PNPT1: variants seen among roughly 807,000 people sequenced by gnomAD.
The protein encoded by PNPT1 is polyribonucleotide nucleotidyltransferase 1.
A neutral mutation model predicts 119.5 loss-of-function variants in PNPT1; 53 were observed. That is an observed-to-expected ratio of 0.44 (90% CI 0.36 to 0.56). The LOEUF is 0.56. Among genes scored for constraint, PNPT1 ranks in the 20% least tolerant of loss-of-function variants. PNPT1 has a pLI of 0.00. For synonymous variants in PNPT1, 357 were observed against 322.1 expected, an observed-to-expected ratio of 1.11 and a Z score of -1.16; for missense variants, 948 against 938.5, an observed-to-expected ratio of 1.01 and a Z score of -0.13.
chr2:55,648,927 A>G (rs370200459), intron 18 of PNPT1, among the ~76,000 whole-genome samples: 37 of 152,314 alleles, frequency 2.4e-4, no homozygotes, highest in African/African-American at 8.4e-4. Flanking sequence ...TTAAGTTTTG[A>G]TCACTTGGAA....
chr2:55,657,054 C>T (rs955003878), intron 15 of PNPT1, among the ~76,000 whole-genome samples: 6 of 152,190 alleles, frequency 3.9e-5, no homozygotes, highest in East Asian at 1.9e-4. Flanking sequence ...TCAGGCCGGG[C>T]GCAGTGGCTC....
chr2:55,645,552 C>T, intron 21 of PNPT1, 120 bp from the exon 22 acceptor site: 1 of 607,746 alleles, frequency 1.6e-6, no homozygotes, highest in Non-Finnish European at 2.8e-6. Flanking sequence ...AAGCTTTCCA[C>T]ATCCCTATTA....
At chr2:55,677,400 C>A (rs1177132000) in intron 8 of PNPT1, among the ~76,000 whole-genome samples, 1 of 151,982 alleles carries the variant, frequency 6.6e-6, no homozygotes, top group Non-Finnish European at 1.5e-5. Context: ...TAGAGACCAG[C>A]CTAGCCAACA....
intron 8 of PNPT1, among the ~76,000 whole-genome samples, chr2:55,677,396 C>T (rs1440801369): frequency 6.6e-6 from 1 of 152,018 alleles, no homozygotes; most frequent in African/African-American, 2.4e-5. Context: ...GAATTAGAGA[C>T]CAGCCTAGCC....
At chr2:55,672,439 T>C (rs888832694) in intron 9 of PNPT1, among the ~76,000 whole-genome samples, 1 of 152,218 alleles carries the variant, frequency 6.6e-6, no homozygotes, top group Admixed American at 6.5e-5. Context: ...CAACTGACAT[T>C]AAGGGAAAGT....
chr2:55,640,573 TAC>T, intron 26 of PNPT1, 52 bp downstream of exon 26: 2 of 1,388,426 alleles, frequency 1.4e-6, no homozygotes, highest in South Asian at 2.3e-5. Context: ...GTAATTTCAA[TAC>T]AGTGTTTCAA....
chr2:55,647,520 C>T, intron 18 of PNPT1, 67 bp from the exon 19 acceptor site: 1 of 1,193,114 alleles, frequency 8.4e-7, no homozygotes, highest in Non-Finnish European at 1.2e-6. Context: ...ATTTATCTAT[C>T]AATTTTTTTT....
intron 25 of PNPT1, among the ~76,000 whole-genome samples, chr2:55,642,334 C>A (rs934941639): frequency 2.0e-5 from 3 of 151,090 alleles, no homozygotes; most frequent in African/African-American, 7.3e-5. Context: ...TGGCCGGGCG[C>A]GGTGGCTCAA....
intron 4 of PNPT1, 32 bp from the exon 5 acceptor site, chr2:55,683,866 T>A (rs765082512): frequency 8.7e-6 from 14 of 1,604,692 alleles, no homozygotes; most frequent in Non-Finnish European, 1.2e-5. Flanking sequence ...CATTAAACCG[T>A]ACTGACAGAG....
At chr2:55,684,692 C>T (rs1300706932) in intron 4 of PNPT1, among the ~76,000 whole-genome samples, 1 of 152,248 alleles carries the variant, frequency 6.6e-6, no homozygotes, top group Non-Finnish European at 1.5e-5. Context: ...ATTTAGTCAA[C>T]AAATATTTAT....
At chr2:55,691,534 A>G (rs1697600099) in intron 1 of PNPT1, among the ~76,000 whole-genome samples, 1 of 152,226 alleles carries the variant, frequency 6.6e-6, no homozygotes, top group Non-Finnish European at 1.5e-5. Context: ...AGAACTACCT[A>G]CAAAAGAGGA....
intron 5 of PNPT1, 52 bp downstream of exon 5, chr2:55,683,733 T>C: frequency 6.8e-7 from 1 of 1,478,658 alleles, no homozygotes; most frequent in East Asian, 2.3e-5. Flanking sequence ...CAGAGATTCA[T>C]TAAGTAATTT....
chr2:55,645,087 G>A lies in PNPT1; in HGVS notation c.1822+262C>T, dbSNP rs1033733650. On this transcript the variant is annotated intron_variant, in intron 22 of 27. Coordinates refer to ENST00000447944, the MANE Select transcript of PNPT1 (RefSeq NM_033109.5). ...CGCCCAGGCTGGAGTGCAGTGGCGC[G>A]ATCTCGGCTCACTGCAAGCTCCGCC... 3.0e-5 allele frequency: 8 copies of A among 265,484 alleles called. No homozygotes were observed. The Admixed American group carries it at 4.1e-4, about 14-fold the overall frequency. 16.4% of individuals were successfully genotyped at this position (265,484 alleles called of 1,614,324 possible). A position where few individuals can be genotyped will look rare whatever the true frequency, so the allele number is the denominator to read the frequency against.
chr2:55,667,575 G>A (rs541287875), intron 12 of PNPT1, among the ~76,000 whole-genome samples: 1 of 141,636 alleles, frequency 7.1e-6, no homozygotes, highest in African/African-American at 2.8e-5. Context: ...GACAGAGCGA[G>A]ACTCTGTCTC....
chr2:55,656,000 A>G (rs1696372567), intron 17 of PNPT1, 131 bp downstream of exon 17: 1 of 1,115,568 alleles, frequency 9.0e-7, no homozygotes, highest in Admixed American at 3.1e-5. Context: ...GATTAACTCA[A>G]TACATTTTTC....
At position 55,650,585 on chromosome 2, in the gene PNPT1, C is replaced by T. The variant is rs553312855; in HGVS notation, c.1496-3132G>A. On this transcript the variant is annotated intron_variant, in intron 18 of 27. Coordinates refer to ENST00000447944, the MANE Select transcript of PNPT1 (RefSeq NM_033109.5). ...GCCACCCCGTCTAGGAAGTGAGGAG[C>T]GCCTCTTCCCGGCCGCCATCCCATC... Among the ~76,000 whole-genome samples, 32 of 151,984 alleles carry T rather than the reference C, an allele frequency of 2.1e-4. 1 individual carries two copies. In the East Asian group the frequency reaches 4.3e-3, roughly 20 times the overall value.
chr2:55,683,483 C>T lies in PNPT1; in HGVS notation c.453+302G>A, dbSNP rs1324968069. 4.0e-5 allele frequency among the ~76,000 whole-genome samples: 6 copies of T among 151,724 alleles called. No homozygotes were observed. The South Asian group carries it at 6.3e-4, about 16-fold the overall frequency. ...CAAAAATTAGTCGGGCATGGTGGTG[C>T]GTGCCTGTAATCCCAGCTACTCAGG... On this transcript the variant is annotated intron_variant, in intron 5 of 27. Coordinates refer to ENST00000447944, the MANE Select transcript of PNPT1 (RefSeq NM_033109.5).
At chr2:55,648,645 T>A (rs1696078957) in intron 18 of PNPT1, among the ~76,000 whole-genome samples, 1 of 152,234 alleles carries the variant, frequency 6.6e-6, no homozygotes, top group Non-Finnish European at 1.5e-5. Flanking sequence ...TTCATGGCCT[T>A]CAACACTTTT....
intron 13 of PNPT1, among the ~76,000 whole-genome samples, chr2:55,664,443 A>T (rs1042620545): frequency 3.3e-5 from 5 of 152,178 alleles, no homozygotes; most frequent in South Asian, 2.1e-4. Context: ...CTCTACAAAA[A>T]TTTTTTACAA....
Sources: gnomAD v4.1 joint callset for allele counts (sites outside exome capture counted in the v4.1 genomes callset) on GRCh38, gnomAD v4.1.1 for gene constraint, MANE v1.5 for transcripts, NCBI Gene and HGNC (gene_info 2026-07-23, HGNC 2026-07-21) for gene names.